ADAMTS9: variants seen among roughly 807,000 people sequenced by gnomAD.
The protein encoded by ADAMTS9 is A disintegrin and metalloproteinase with thrombospondin motifs 9.
Under a neutral mutation model 257.1 loss-of-function variants are expected in ADAMTS9, and 107 were observed. The ratio of observed to expected loss-of-function variants is 0.42; its 90% CI spans 0.36 to 0.49. The LOEUF is 0.49. Ranked by LOEUF, ADAMTS9 falls within the 20% of genes least tolerant of loss-of-function variation. The pLI, the probability that ADAMTS9 is intolerant of heterozygous loss-of-function variation, is 0.03. For synonymous variants in ADAMTS9, 982 were observed against 880.9 expected, an observed-to-expected ratio of 1.11 and a Z score of -2.03; for missense variants, 2,353 against 2,469.1, an observed-to-expected ratio of 0.95 and a Z score of 1.00.
At chr3:64,558,842 A>T (rs1377842397) in intron 30 of ADAMTS9, among the ~76,000 whole-genome samples, 1 of 152,184 alleles carries the variant, frequency 6.6e-6, no homozygotes, top group Non-Finnish European at 1.5e-5. Context: ...GCTCCTGCAC[A>T]TCCCATTCAG....
intron 37 of ADAMTS9, among the ~76,000 whole-genome samples, chr3:64,537,913 A>G (rs1050391467): frequency 1.3e-5 from 2 of 152,236 alleles, no homozygotes; most frequent in Non-Finnish European, 2.9e-5. Context: ...CGAGCTGATT[A>G]TGACAAAATG....
intron 22 of ADAMTS9, among the ~76,000 whole-genome samples, chr3:64,611,855 G>A (rs988735838): frequency 1.3e-5 from 2 of 152,092 alleles, no homozygotes; most frequent in Non-Finnish European, 2.9e-5. Context: ...TTCCTTTTGG[G>A]GTGATGAAGT....
chr3:64,604,372 G>GTCAT (rs1559787672), intron 23 of ADAMTS9, 41 bp from the exon 24 acceptor site: 1 of 1,392,120 alleles, frequency 7.2e-7, no homozygotes, highest in Non-Finnish European at 9.9e-7. Flanking sequence ...TCACTTTCAA[G>GTCAT]TCAATGCACT....
At chr3:64,615,145 A>G (rs1249633476) in intron 21 of ADAMTS9, 176 bp downstream of exon 21, 13 of 712,488 alleles carry the variant, frequency 1.8e-5, no homozygotes, top group Non-Finnish European at 2.7e-5. Context: ...GACTAGTTAC[A>G]TCCAGTACGA....
intron 4 of ADAMTS9, 23 bp from the exon 5 acceptor site, chr3:64,655,898 A>G: frequency 6.7e-7 from 1 of 1,492,662 alleles, no homozygotes; most frequent in Non-Finnish European, 9.0e-7. Context: ...TAAATTTTTC[A>G]AAGTTAATTG....
rs1481682805 is a variant in ADAMTS9, at chr3:64,596,822, A to C, written c.4179+8T>G. 1 of 1,613,472 alleles carries C rather than the reference A, an allele frequency of 6.2e-7. No homozygotes were observed. The highest frequency in any genetic ancestry group is 8.5e-7 in the Non-Finnish European group (1 of 1,179,780). The stretch of plus-strand genomic sequence containing the variant: ...CTCTGTATTTATAGACGGATAGTTC[A>C]CTCTCACCTCTCCCCAGTTGCCATA... On this transcript the variant is annotated splice_region_variant and intron_variant, in intron 27 of 39. Transcript: ENST00000498707.
At position 64,553,889 on chromosome 3, in the gene ADAMTS9, A is replaced by G. The variant is rs75703521; in HGVS notation, c.4699-2827T>C. On this transcript the variant is annotated intron_variant, in intron 30 of 39. Coordinates refer to ENST00000498707, the MANE Select transcript of ADAMTS9 (RefSeq NM_182920.2). ...TGGTTTTGGGGTTCTCTATTCCCCT[A>G]GAAAAAAAGTGTTTTTTTCATCATT... is the stretch of plus-strand genomic sequence containing the variant. Among the ~76,000 whole-genome samples the G allele has an allele frequency of 9.7e-3, 1,480 of 152,268 alleles. 53 individuals carry two copies. Among genetic ancestry groups the G allele is most frequent in the East Asian group, 0.077 (396 of 5,172 alleles).
At chr3:64,672,062 C>A (rs974368497) in intron 3 of ADAMTS9, among the ~76,000 whole-genome samples, 1 of 152,190 alleles carries the variant, frequency 6.6e-6, no homozygotes, top group Non-Finnish European at 1.5e-5. Context: ...AGTGAAAGGT[C>A]TGAAGGGTTC....
rs866127907 is a variant in ADAMTS9 at position 64,621,125 on chromosome 3, G to A, written c.2802C>T (p.Asp934=). 1 of 1,612,452 alleles carries A rather than the reference G, an allele frequency of 6.2e-7. No homozygotes were observed. The highest frequency in any genetic ancestry group is 1.7e-5 in the Admixed American group (1 of 59,762). The part of the protein sequence containing the change: ...PGHITEPCGT[D]CDLRWHVASR... Reference sequence around the variant, plus strand: ...AAACAGTGGCCCACCTCAGGTCACAGTCTGTACCACAGGGTTCAGTAATGT... The same window carrying A: ...AAACAGTGGCCCACCTCAGGTCACAATCTGTACCACAGGGTTCAGTAATGT... The change falls in exon 19 of 40, where the codon GAC becomes GAT. Residue 934 remains aspartate, a synonymous_variant. Transcript: ENST00000498707.
intron 24 of ADAMTS9, 46 bp from the exon 25 acceptor site, chr3:64,604,135 T>G (rs747651453): frequency 6.2e-7 from 1 of 1,609,620 alleles, no homozygotes; most frequent in Non-Finnish European, 8.5e-7. Context: ...GTGGAATGGC[T>G]GCTTACTGGA....
chr3:64,585,009 T>A (rs2084111417), intron 28 of ADAMTS9, among the ~76,000 whole-genome samples: 2 of 152,178 alleles, frequency 1.3e-5, no homozygotes, highest in Admixed American at 1.3e-4. Flanking sequence ...TCTGGGCTAA[T>A]GTAATAAGGA....
At chr3:64,680,268 G>A (rs1359602372) in intron 3 of ADAMTS9, among the ~76,000 whole-genome samples, 1 of 152,132 alleles carries the variant, frequency 6.6e-6, no homozygotes, top group Admixed American at 6.5e-5. Context: ...GGAGATACCA[G>A]AAAGACCCTG....
chr3:64,618,640 T>C (rs923550595), intron 19 of ADAMTS9, among the ~76,000 whole-genome samples: 18 of 152,098 alleles, frequency 1.2e-4, no homozygotes, highest in Admixed American at 6.6e-4. Flanking sequence ...ATTTGGGGGA[T>C]TGAGTGAGGC....
intron 28 of ADAMTS9, among the ~76,000 whole-genome samples, chr3:64,570,653 G>A (rs1408400152): frequency 3.2e-5 from 4 of 125,860 alleles, no homozygotes; most frequent in African/African-American, 9.3e-5. Context: ...CCAAGACAGC[G>A]CCACTGTACT....
chr3:64,656,962 A>G (rs1191481945), intron 4 of ADAMTS9, among the ~76,000 whole-genome samples: 2 of 152,096 alleles, frequency 1.3e-5, no homozygotes, highest in African/African-American at 4.8e-5. Flanking sequence ...CTCGTCTATT[A>G]AAAGAAAAGT....
chr3:64,539,691 A>T (rs2083096166), intron 36 of ADAMTS9, among the ~76,000 whole-genome samples: 1 of 152,184 alleles, frequency 6.6e-6, no homozygotes, highest in Non-Finnish European at 1.5e-5. Context: ...CCAGGGGGAA[A>T]TAAGCCAGGA....
At chr3:64,567,712 C>A (rs2106678507) in intron 29 of ADAMTS9, among the ~76,000 whole-genome samples, 1 of 152,064 alleles carries the variant, frequency 6.6e-6, no homozygotes, top group Non-Finnish European at 1.5e-5. Flanking sequence ...CTTCTCCATC[C>A]CATACACACA....
chr3:64,520,146 A>G (rs1174000636), intron 39 of ADAMTS9, among the ~76,000 whole-genome samples: 2 of 152,186 alleles, frequency 1.3e-5, no homozygotes, highest in Non-Finnish European at 2.9e-5. Flanking sequence ...TCTATACACA[A>G]ATAACATTCA....
At chr3:64,533,070 T>C (rs1415497838) in intron 38 of ADAMTS9, 96 bp downstream of exon 38, 4 of 1,133,614 alleles carry the variant, frequency 3.5e-6, no homozygotes, top group Non-Finnish European at 3.8e-6. Context: ...GGAAAGCACA[T>C]TCGTTTGCTC....
Sources: allele counts gnomAD v4.1 joint callset (sites outside exome capture counted in the v4.1 genomes callset), GRCh38; gene constraint gnomAD v4.1.1; transcripts MANE v1.5; gene names NCBI Gene and HGNC (gene_info 2026-07-23, HGNC 2026-07-21).